Variants in MYCBP2 observed in about 807,000 individuals in gnomAD.
MYCBP2 encodes the protein MYC binding protein 2.
MYCBP2 carries 120 observed loss-of-function variants against 525.3 expected under a neutral mutation model. The ratio of observed to expected loss-of-function variants is 0.23; its 90% CI spans 0.20 to 0.27. The LOEUF is 0.27. Ranked by LOEUF, MYCBP2 falls within the 10% of genes least tolerant of loss-of-function variation. MYCBP2 has a pLI of 1.00. For missense variants in MYCBP2, 4,149 were observed against 5,657.1 expected, an observed-to-expected ratio of 0.73 and a Z score of 8.55; for synonymous variants, 1,894 against 1,955.8, an observed-to-expected ratio of 0.97 and a Z score of 0.83.
chr13:77,268,477 G>C (rs2074402760), intron 7 of MYCBP2, among the ~76,000 whole-genome samples: 1 of 152,138 alleles, frequency 6.6e-6, no homozygotes, highest in Non-Finnish European at 1.5e-5. Flanking sequence ...AAACTAATTT[G>C]TTATCTAAAA....
intron 2 of MYCBP2, among the ~76,000 whole-genome samples, chr13:77,295,350 T>C (rs1185358142): frequency 2.0e-5 from 3 of 152,098 alleles, no homozygotes; most frequent in African/African-American, 7.2e-5. Context: ...GCCAGGATGG[T>C]CTCGACCTCT....
intron 11 of MYCBP2, 72 bp downstream of exon 11, chr13:77,261,976 ATAAAC>A: frequency 1.7e-6 from 2 of 1,158,852 alleles, no homozygotes; most frequent in African/African-American, 1.5e-5. Flanking sequence ...TGCAAACTAT[ATAAAC>A]TAATCAACAG....
At chr13:77,052,173 C>CCTTCT (rs1015439841) in intron 80 of MYCBP2, among the ~76,000 whole-genome samples, 11 of 152,086 alleles carry the variant, frequency 7.2e-5, no homozygotes, top group African/African-American at 2.7e-4. Flanking sequence ...CCCTTCCTTC[C>CCTTCT]CTTCTCTTCT....
chr13:77,177,599 G>A, intron 35 of MYCBP2, 149 bp downstream of exon 35: 1 of 682,672 alleles, frequency 1.5e-6, no homozygotes, highest in Non-Finnish European at 2.5e-6. Context: ...TGAGATTACA[G>A]GTGTGAGCCA....
At chr13:77,241,908 T>C (rs1264420455) in intron 17 of MYCBP2, among the ~76,000 whole-genome samples, 2 of 152,220 alleles carry the variant, frequency 1.3e-5, no homozygotes, top group Admixed American at 6.5e-5. Context: ...TCAAATATCA[T>C]GCCATTTCTA....
intron 49 of MYCBP2, among the ~76,000 whole-genome samples, chr13:77,142,426 T>C (rs2054827232): frequency 6.6e-6 from 1 of 152,180 alleles, no homozygotes; most frequent in Admixed American, 6.5e-5. Flanking sequence ...ACAGATGAAC[T>C]GGATATATCT....
rs754197897 is a variant in MYCBP2 at position 77,326,778 on chromosome 13, T to TCGCCGCCGCCGC, written c.-15_-4dup. ...GCAGTCGCTGCGCACATCATCATCC[T>TCGCCGCCGCCGC]CGCCGCCGCCGCCGCCGCCGCCGCC... On this transcript the variant is annotated 5_prime_UTR_variant, in exon 1 of 83. Coordinates refer to ENST00000544440, the MANE Select transcript of MYCBP2 (RefSeq NM_015057.5). The surrounding 1 kb of genome is among the most constrained non-coding windows in gnomAD (Gnocchi z 4.2). 16 of 1,400,722 alleles carry TCGCCGCCGCCGC rather than the reference T, an allele frequency of 1.1e-5. No homozygotes were observed. Among genetic ancestry groups the TCGCCGCCGCCGC allele is most frequent in the Non-Finnish European group, 1.5e-5 (16 of 1,090,180 alleles). 86.8% of individuals were successfully genotyped at this position (1,400,722 alleles called of 1,614,324 possible).
chr13:77,173,686 T>C (rs1252358176), intron 37 of MYCBP2, among the ~76,000 whole-genome samples: 1 of 152,210 alleles, frequency 6.6e-6, no homozygotes, highest in South Asian at 2.1e-4. Context: ...TAAATGGTAC[T>C]CATGACTACC....
intron 3 of MYCBP2, among the ~76,000 whole-genome samples, chr13:77,283,412 C>T (rs1286815596): frequency 1.3e-5 from 2 of 152,166 alleles, no homozygotes; most frequent in Non-Finnish European, 2.9e-5. Context: ...CAAGACAATG[C>T]TTTCTTGAGG....
chr13:77,268,712 G>A (rs965996121), intron 7 of MYCBP2, among the ~76,000 whole-genome samples: 2 of 151,830 alleles, frequency 1.3e-5, no homozygotes, highest in Non-Finnish European at 2.9e-5. Flanking sequence ...CTGGGAGGCG[G>A]AGGTTGCAGT....
Position 77,168,862 on chromosome 13 carries a change from T to C in MYCBP2, c.5896-216A>G, listed in dbSNP as rs556522114. ...CTAAATCTATATTTTTAAAAACTTG[T>C]TTTTTCATGATCTGAAGTAAATCAG... On this transcript the variant is annotated intron_variant, in intron 39 of 82. Transcript: ENST00000544440. 2.6e-5 allele frequency among the ~76,000 whole-genome samples: 4 copies of C among 152,344 alleles called. No individual in the cohort carries two copies. In the East Asian group the frequency reaches 5.8e-4, roughly 22 times the overall value.
intron 55 of MYCBP2, among the ~76,000 whole-genome samples, chr13:77,101,517 A>G (rs775254661): frequency 6.6e-6 from 1 of 152,096 alleles, no homozygotes; most frequent in Non-Finnish European, 1.5e-5. Flanking sequence ...CAGGAACACC[A>G]CTTGTCATAT....
chr13:77,245,782 C>CACACACA (rs1422840020), intron 15 of MYCBP2, among the ~76,000 whole-genome samples: 2 of 113,160 alleles, frequency 1.8e-5, no homozygotes, highest in African/African-American at 6.6e-5. Flanking sequence ...CACACACACA[C>CACACACA]AAAGGAAATA....
chr13:77,298,647 G>A (rs1014770132), intron 1 of MYCBP2, among the ~76,000 whole-genome samples: 1 of 152,152 alleles, frequency 6.6e-6, no homozygotes, highest in African/African-American at 2.4e-5. Context: ...CTATGGTATC[G>A]ACATGAGTGC....
intron 2 of MYCBP2, among the ~76,000 whole-genome samples, chr13:77,294,127 T>TATATATATATATACAC (rs1350132831): frequency 3.3e-5 from 2 of 60,858 alleles, no homozygotes; most frequent in Admixed American, 2.8e-4. Flanking sequence ...TATATATATA[T>TATATATATATATACAC]ATACATATAT....
intron 2 of MYCBP2, among the ~76,000 whole-genome samples, chr13:77,293,272 G>A (rs2077690543): frequency 6.6e-6 from 1 of 152,136 alleles, no homozygotes; most frequent in Non-Finnish European, 1.5e-5. Context: ...AATAATCACA[G>A]AAGAAAAGAG....
At chr13:77,152,283 A>T (rs2056581038) in intron 46 of MYCBP2, among the ~76,000 whole-genome samples, 1 of 152,228 alleles carries the variant, frequency 6.6e-6, no homozygotes, top group Admixed American at 6.5e-5. Context: ...TTAAAAACCC[A>T]TTCTTATATT....
chr13:77,139,267 T>A lies in MYCBP2; in HGVS notation c.7588A>T (p.Asn2530Tyr). ...ETIKKYVPNM[N>Y]GYTEAWCLSF... The stretch of plus-strand genomic sequence containing the variant: ...AGGCACCAGGCTTCAGTGTAACCAT[T>A]CATGTTAGGGACATACTTCTTTATT... Residue 2530 changes from asparagine (N) to tyrosine (Y), a missense_variant, in exon 52 of 83, where the codon AAT becomes TAT. Coordinates refer to ENST00000544440, the MANE Select transcript of MYCBP2 (RefSeq NM_015057.5). 1 of 1,613,944 alleles carries A rather than the reference T, an allele frequency of 6.2e-7. No individual in the cohort carries two copies. Among genetic ancestry groups the A allele is most frequent in the Non-Finnish European group, 8.5e-7 (1 of 1,179,846 alleles).
chr13:77,155,865 C>CA (rs904241942), intron 46 of MYCBP2, among the ~76,000 whole-genome samples, 193 bp downstream of exon 46: 20 of 151,728 alleles, frequency 1.3e-4, no homozygotes, highest in Non-Finnish European at 2.2e-4. Context: ...AACAAACTCA[C>CA]AAAAAAAACA....
Sources: gnomAD v4.1 joint callset for allele counts (sites outside exome capture counted in the v4.1 genomes callset) on GRCh38, gnomAD v4.1.1 for gene constraint, Gnocchi (gnomAD v3.1) non-coding constraint, MANE v1.5 for transcripts, NCBI Gene and HGNC (gene_info 2026-07-23, HGNC 2026-07-21) for gene names.